Variants in NLGN4X observed in about 807,000 individuals in gnomAD.
The protein encoded by NLGN4X is neuroligin-4, X-linked.
In NLGN4X, 3 loss-of-function variants were observed where a neutral mutation model predicts 40.3. The observed-to-expected ratio is 0.07, with a 90% CI of 0.03 to 0.19. The LOEUF (loss-of-function observed/expected upper bound fraction) is 0.19. NLGN4X is among the 10% of genes least tolerant of loss of function. NLGN4X has a pLI of 1.00. For synonymous variants in NLGN4X, 270 were observed against 306.8 expected, an observed-to-expected ratio of 0.88 and a Z score of 1.25; for missense variants, 382 against 708.3, an observed-to-expected ratio of 0.54 and a Z score of 5.23.
chrX:6,015,298 A>C (rs747695943), intron 3 of NLGN4X, among the ~76,000 whole-genome samples: 1 of 111,910 alleles, frequency 8.9e-6, no homozygotes, highest in Non-Finnish European at 1.9e-5. Context: ...AGAATGAATG[A>C]ATGAAAACCA....
chrX:5,917,586 A>G (rs905645993), intron 3 of NLGN4X, among the ~76,000 whole-genome samples: 2 of 112,070 alleles, frequency 1.8e-5, no homozygotes, highest in African/African-American at 6.5e-5. Flanking sequence ...GGAGGAGAAT[A>G]GTAGCCCTCC....
intron 3 of NLGN4X, among the ~76,000 whole-genome samples, chrX:5,988,836 G>A (rs189623801): frequency 0.011 from 1,246 of 111,870 alleles, 4 homozygotes; most frequent in Middle Eastern, 0.018. Context: ...AGGCCAAGGC[G>A]GGCAGAACAC....
chrX:6,046,511 TA>T (rs1251795529), intron 2 of NLGN4X, among the ~76,000 whole-genome samples: 2 of 111,491 alleles, frequency 1.8e-5, no homozygotes, highest in Non-Finnish European at 3.8e-5. Flanking sequence ...TAAAACAAAA[TA>T]AATATGAATT....
intron 2 of NLGN4X, among the ~76,000 whole-genome samples, chrX:6,138,780 T>C (rs1043622654): frequency 1.8e-5 from 2 of 111,365 alleles, no homozygotes; most frequent in African/African-American, 3.3e-5. Context: ...CAAAAGCTCC[T>C]TCTCCTTGGA....
Position 5,997,565 on chromosome X carries a change from CATGT to C in NLGN4X, c.625+31711_625+31714del, listed in dbSNP as rs1486819097. On this transcript the variant is annotated intron_variant, in intron 3 of 5. Transcript: ENST00000381095. ...TATACACATTTAATATATAAAATTA[CATGT>C]GTGTGTGTGTGTGTGTGTATATATA... Among the ~76,000 whole-genome samples the C allele has an allele frequency of 4.1e-3, 278 of 68,059 alleles. 1 individual carries two copies. The Middle Eastern group carries it at 0.052, about 13-fold the overall frequency. 59.1% of individuals were successfully genotyped at this position (68,059 alleles called of 115,157 possible).
rs1188279739 is a variant in NLGN4X, at chrX:5,898,397, C to A, written c.1601+4680G>T. Among the ~76,000 whole-genome samples, 3 of 107,967 alleles carry A rather than the reference C, an allele frequency of 2.8e-5. 1 individual carries two copies. Among genetic ancestry groups the A allele is most frequent in the Non-Finnish European group, 5.7e-5 (3 of 52,239 alleles). The allele number at this position is 107,967 out of a possible 115,157, so 93.8% of individuals were successfully genotyped here. A position where few individuals can be genotyped will look rare whatever the true frequency, so the allele number is the denominator to read the frequency against. Reference sequence around the variant, plus strand: ...CTTCCTTCCTTTTCTCCGCCATGCACATCCCAACATCATTTTTCTGTGCTC... The same window carrying A: ...CTTCCTTCCTTTTCTCCGCCATGCAAATCCCAACATCATTTTTCTGTGCTC... On this transcript the variant is annotated intron_variant, in intron 5 of 5. Transcript: ENST00000381095.
chrX:6,022,415 G>T (rs890144103), intron 3 of NLGN4X, among the ~76,000 whole-genome samples: 1 of 112,135 alleles, frequency 8.9e-6, no homozygotes, highest in East Asian at 2.8e-4. Flanking sequence ...TTAAAGAAAA[G>T]AAATATTGTT....
chrX:5,916,192 G>C (rs2032788197), intron 3 of NLGN4X, among the ~76,000 whole-genome samples: 1 of 111,843 alleles, frequency 8.9e-6, no homozygotes, highest in Non-Finnish European at 1.9e-5. Flanking sequence ...TCTTTATTCT[G>C]ATGCATAAAA....
At chrX:6,111,400 C>T (rs141965400) in intron 2 of NLGN4X, among the ~76,000 whole-genome samples, 1,622 of 111,099 alleles carry the variant, frequency 0.015, 17 homozygotes, top group Non-Finnish European at 0.023. Flanking sequence ...GACACTGAAT[C>T]TGCTAGCACC....
intron 3 of NLGN4X, among the ~76,000 whole-genome samples, chrX:5,915,843 C>CT (rs2032767136): frequency 8.9e-6 from 1 of 112,310 alleles, no homozygotes; most frequent in African/African-American, 3.2e-5. Flanking sequence ...GCCCAGCCAA[C>CT]TTTGAGTATT....
chrX:5,907,204 G>C (rs1013981014), intron 4 of NLGN4X, among the ~76,000 whole-genome samples: 1 of 112,256 alleles, frequency 8.9e-6, no homozygotes, highest in African/African-American at 3.2e-5. Flanking sequence ...ACGGCTATTA[G>C]GAATATTCAC....
At chrX:5,899,017 C>T (rs755822273) in intron 5 of NLGN4X, among the ~76,000 whole-genome samples, 1 of 112,276 alleles carries the variant, frequency 8.9e-6, no homozygotes, top group African/African-American at 3.2e-5. Context: ...GCTCACCAGA[C>T]TGTGCCCGAC....
intron 3 of NLGN4X, among the ~76,000 whole-genome samples, chrX:6,004,111 AGTAGGGTCTCT>A (rs2036044094): frequency 8.9e-6 from 1 of 112,489 alleles, no homozygotes; most frequent in Non-Finnish European, 1.9e-5. Flanking sequence ...TTAAAGAACT[AGTAGGGTCTCT>A]GTTTATTTCC....
chrX:5,996,601 CT>C (rs112441616), intron 3 of NLGN4X, among the ~76,000 whole-genome samples: 109 of 95,308 alleles, frequency 1.1e-3, no homozygotes, highest in African/African-American at 1.7e-3. Flanking sequence ...CCCTTTTCAC[CT>C]TTTTTTTTTT....
intron 1 of NLGN4X, among the ~76,000 whole-genome samples, chrX:6,165,486 T>A (rs2040477219): frequency 8.9e-6 from 1 of 112,009 alleles, no homozygotes; most frequent in Admixed American, 9.5e-5. Context: ...TAAAATGAAA[T>A]GTTTTTTGCC....
intron 2 of NLGN4X, among the ~76,000 whole-genome samples, chrX:6,111,003 T>A (rs1003831749): frequency 1.8e-5 from 2 of 111,616 alleles, no homozygotes; most frequent in African/African-American, 6.5e-5. Context: ...AAAGCGAAGC[T>A]AATCCTAACC....
chrX:6,075,937 T>A (rs954353274), intron 2 of NLGN4X, among the ~76,000 whole-genome samples: 1 of 111,792 alleles, frequency 8.9e-6, no homozygotes, highest in Non-Finnish European at 1.9e-5. Context: ...AGGGTGATCA[T>A]ACAAAATGAA....
chrX:6,172,412 A>T (rs560104326), intron 1 of NLGN4X, among the ~76,000 whole-genome samples: 3 of 111,938 alleles, frequency 2.7e-5, no homozygotes, highest in East Asian at 2.8e-4. Context: ...AGATTCCTAG[A>T]GTCTCCATAT....
chrX:5,981,969 C>T (rs1262711938), intron 3 of NLGN4X, among the ~76,000 whole-genome samples: 2 of 111,403 alleles, frequency 1.8e-5, no homozygotes, highest in Non-Finnish European at 3.8e-5. Flanking sequence ...TAAACAGGAG[C>T]ATTTTCATTA....
Sources: gnomAD v4.1 joint callset for allele counts (sites outside exome capture counted in the v4.1 genomes callset) on GRCh38, gnomAD v4.1.1 for gene constraint, MANE v1.5 for transcripts, NCBI Gene and HGNC (gene_info 2026-07-23, HGNC 2026-07-21) for gene names.